Variants in TMEM135 observed in about 807,000 individuals in gnomAD.
TMEM135 encodes the protein transmembrane protein 135, also known as peroxisomal membrane protein 52.
TMEM135 carries 30 observed loss-of-function variants against 60.3 expected under a neutral mutation model. That is an observed-to-expected ratio of 0.50 (90% CI 0.37 to 0.68). The LOEUF (loss-of-function observed/expected upper bound fraction) is 0.68, where lower values mean the gene tolerates loss of function less well. Among genes scored for constraint, TMEM135 ranks in the 30% least tolerant of loss-of-function variants. The pLI, the probability that TMEM135 is intolerant of heterozygous loss-of-function variation, is 0.00. For synonymous variants in TMEM135, 190 were observed against 186.7 expected, an observed-to-expected ratio of 1.02 and a Z score of -0.14; for missense variants, 468 against 548.8, an observed-to-expected ratio of 0.85 and a Z score of 1.47.
At chr11:87,271,186 C>T (rs1175997417) in intron 6 of TMEM135, among the ~76,000 whole-genome samples, 2 of 151,886 alleles carry the variant, frequency 1.3e-5, no homozygotes, top group African/African-American at 4.8e-5. Flanking sequence ...AATTATATAC[C>T]ACCACCAAAA....
intron 4 of TMEM135, among the ~76,000 whole-genome samples, chr11:87,116,667 T>C (rs1857892070): frequency 6.6e-6 from 1 of 151,600 alleles, no homozygotes; most frequent in Non-Finnish European, 1.5e-5. Context: ...ATACATATAG[T>C]ATAGGCATAC....
At chr11:87,039,391 T>G (rs982551299) in intron 1 of TMEM135, among the ~76,000 whole-genome samples, 1 of 152,200 alleles carries the variant, frequency 6.6e-6, no homozygotes, top group African/African-American at 2.4e-5. Flanking sequence ...AACCTCTGCT[T>G]TCCTAACAAA....
intron 12 of TMEM135, among the ~76,000 whole-genome samples, chr11:87,316,573 C>T (rs896366608): frequency 6.6e-6 from 1 of 151,980 alleles, no homozygotes; most frequent in South Asian, 2.1e-4. Flanking sequence ...TGGCTTGCAC[C>T]AGGATGATAG....
At chr11:87,098,476 C>G (rs1857380549) in intron 4 of TMEM135, among the ~76,000 whole-genome samples, 1 of 152,034 alleles carries the variant, frequency 6.6e-6, no homozygotes, top group Non-Finnish European at 1.5e-5. Context: ...AAGTACATGA[C>G]TTATTTTGAA....
chr11:87,325,206 A>G lies in TMEM135; in HGVS notation c.*3873A>G. ...CTGTTTAAAGTAGTGGCCTCAGGTG[A>G]CTTTGTAATAGCCCTGTAGTTGCAA... On this transcript the variant is annotated 3_prime_UTR_variant, in exon 15 of 15. Transcript: ENST00000305494. 1 of 454,046 alleles carries G rather than the reference A, an allele frequency of 2.2e-6. No individual in the cohort carries two copies. The highest frequency in any genetic ancestry group is 4.4e-6 in the Non-Finnish European group (1 of 226,778). The allele number at this position is 454,046 out of a possible 1,614,324, so 28.1% of individuals were successfully genotyped here.
intron 5 of TMEM135, among the ~76,000 whole-genome samples, chr11:87,223,081 G>GA (rs149478705): frequency 0.011 from 1,590 of 151,422 alleles, 32 homozygotes; most frequent in African/African-American, 0.037. Flanking sequence ...AGCTTGAAAG[G>GA]AAAAAATCTT....
intron 5 of TMEM135, among the ~76,000 whole-genome samples, chr11:87,232,550 C>G (rs1231858922): frequency 6.6e-6 from 1 of 151,980 alleles, no homozygotes; most frequent in African/African-American, 2.4e-5. Flanking sequence ...TCCATCAACC[C>G]AGAATTCTAT....
intron 6 of TMEM135, among the ~76,000 whole-genome samples, chr11:87,274,997 C>CT (rs532663840): frequency 6.6e-6 from 1 of 151,190 alleles, no homozygotes; most frequent in Non-Finnish European, 1.5e-5. Flanking sequence ...ATTTTAACTT[C>CT]TTTTTTTGTT....
At position 87,302,278 on chromosome 11, in the gene TMEM135, T is replaced by C. The variant is rs377011738; in HGVS notation, c.552-18T>C. On this transcript the variant is annotated intron_variant, in intron 7 of 14. Transcript: ENST00000305494. ...ATTTTTAAGTGAAAAATGCCTCACA[T>C]TGTGCTCTTTTCTTTAGGTTCATTG... 87 of 1,613,206 alleles carry C rather than the reference T, an allele frequency of 5.4e-5. No individual in the cohort carries two copies. The African/African-American group carries it at 1.1e-3, about 20-fold the overall frequency.
In TMEM135 at chr11:87,325,144, G is replaced by GT. The variant is rs879368887; in HGVS notation, c.*3811_*3812insT. The GT allele has an allele frequency of 8.8e-6, 4 of 453,442 alleles. No individual in the cohort carries two copies. Among genetic ancestry groups the GT allele is most frequent in the African/African-American group, 8.1e-5 (4 of 49,530 alleles). 28.1% of individuals were successfully genotyped at this position (453,442 alleles called of 1,614,324 possible). On this transcript the variant is annotated 3_prime_UTR_variant, in exon 15 of 15. Coordinates refer to ENST00000305494, the MANE Select transcript of TMEM135 (RefSeq NM_022918.4). The stretch of plus-strand genomic sequence containing the variant: ...ACTGAGATGACCCTCAGATTGGGGG[G>GT]CTGTCTTAGATTCTAGGGCTTTGTA...
At chr11:87,293,407 A>AC (rs1942299513) in intron 6 of TMEM135, among the ~76,000 whole-genome samples, 2 of 152,050 alleles carry the variant, frequency 1.3e-5, no homozygotes, top group South Asian at 2.1e-4. Context: ...AAAACAACAA[A>AC]AAACGAGATA....
intron 4 of TMEM135, among the ~76,000 whole-genome samples, chr11:87,092,792 G>A (rs2512386): frequency 0.55 from 82,828 of 151,050 alleles, 23,436 homozygotes; most frequent in East Asian, 0.71. Flanking sequence ...TGTTCTCTGT[G>A]GTTACTTTTT....
chr11:87,203,268 G>C (rs1180608727), intron 5 of TMEM135, among the ~76,000 whole-genome samples: 1 of 151,924 alleles, frequency 6.6e-6, no homozygotes, highest in African/African-American at 2.4e-5. Flanking sequence ...CATTCTATGG[G>C]TTTGGATGAA....
At position 87,263,491 on chromosome 11, in the gene TMEM135, C is replaced by G. The variant is rs116291708; in HGVS notation, c.509+26807C>G. ...GCCAGACTTCACTCATACTTTTACTCTAGGAACTGGTTGACATATTTGACA... is the reference window on the plus strand; with the variant it reads ...GCCAGACTTCACTCATACTTTTACTGTAGGAACTGGTTGACATATTTGACA... On this transcript the variant is annotated intron_variant, in intron 6 of 14. Coordinates refer to ENST00000305494, the MANE Select transcript of TMEM135 (RefSeq NM_022918.4). Among the ~76,000 whole-genome samples, 345 of 152,172 alleles carry G rather than the reference C, an allele frequency of 2.3e-3. 2 individuals are homozygous for G. Among genetic ancestry groups the G allele is most frequent in the African/African-American group, 7.9e-3 (327 of 41,546 alleles).
intron 2 of TMEM135, 109 bp downstream of exon 2, chr11:87,067,930 T>C: frequency 7.3e-7 from 1 of 1,370,846 alleles, no homozygotes; most frequent in Non-Finnish European, 1.0e-6. Flanking sequence ...GCCCCCCCTT[T>C]TTTTAATCTG....
At chr11:87,187,832 A>G (rs887220790) in intron 5 of TMEM135, among the ~76,000 whole-genome samples, 5 of 152,184 alleles carry the variant, frequency 3.3e-5, no homozygotes, top group Non-Finnish European at 7.3e-5. Flanking sequence ...AAGCAAAATC[A>G]GATTCTTTTA....
chr11:87,318,372 G>A (rs975115581), intron 13 of TMEM135, 137 bp downstream of exon 13: 3 of 658,652 alleles, frequency 4.6e-6, no homozygotes, highest in Non-Finnish European at 7.6e-6. Context: ...GTTTTGTTTT[G>A]TTTTTTTTTC....
chr11:87,276,079 G>A (rs1174336044), intron 6 of TMEM135, among the ~76,000 whole-genome samples: 1 of 152,156 alleles, frequency 6.6e-6, no homozygotes, highest in East Asian at 1.9e-4. Flanking sequence ...TCAGAGTATT[G>A]CTTTTGACTC....
At chr11:87,064,611 G>A (rs1354101288) in intron 1 of TMEM135, among the ~76,000 whole-genome samples, 2 of 152,150 alleles carry the variant, frequency 1.3e-5, no homozygotes, top group Non-Finnish European at 2.9e-5. Flanking sequence ...GGCCAGGCAC[G>A]GTGGCTCACG....
Sources: allele counts gnomAD v4.1 joint callset (sites outside exome capture counted in the v4.1 genomes callset), GRCh38; gene constraint gnomAD v4.1.1; transcripts MANE v1.5; gene names NCBI Gene and HGNC (gene_info 2026-07-23, HGNC 2026-07-21).